The following CEP85L variants were observed in gnomAD, a reference collection of about 807,000 sequenced individuals.
The protein encoded by CEP85L is centrosomal protein of 85 kDa-like.
Under a neutral mutation model 100.3 loss-of-function variants are expected in CEP85L, and 60 were observed. The observed-to-expected ratio is 0.60, with a 90% CI of 0.49 to 0.74. CEP85L has a LOEUF of 0.74. Ranked by LOEUF, CEP85L falls within the 30% of genes least tolerant of loss-of-function variation. The pLI is 0.00. For synonymous variants in CEP85L, 319 were observed against 322.7 expected (o/e 0.99, Z 0.12); for missense variants, 973 against 936.2 (o/e 1.04, Z -0.51).
chr6:118,541,013 T>C (rs554967432), intron 3 of CEP85L, among the ~76,000 whole-genome samples: 20 of 152,292 alleles, frequency 1.3e-4, no homozygotes, highest in African/African-American at 4.8e-4. Context: ...TATCCAAATA[T>C]TGAATTTTGG....
intron 2 of CEP85L, among the ~76,000 whole-genome samples, chr6:118,605,311 C>T (rs1772116879): frequency 6.6e-6 from 1 of 152,220 alleles, no homozygotes; most frequent in East Asian, 1.9e-4. Context: ...ATCAGCCCAT[C>T]CTTCATGGAA....
intron 1 of CEP85L, among the ~76,000 whole-genome samples, chr6:118,672,798 A>G (rs1225223583): frequency 6.6e-6 from 1 of 150,670 alleles, no homozygotes; most frequent in African/African-American, 2.4e-5. Context: ...AAGGAGGAGG[A>G]AGGAGGAGGA....
intron 1 of CEP85L, among the ~76,000 whole-genome samples, chr6:118,637,924 C>A (rs1774612595): frequency 6.6e-6 from 1 of 151,984 alleles, no homozygotes. Context: ...TCCAAGCCCA[C>A]TGGTAAGCAA....
chr6:118,600,370 T>TGTGTGTGTG (rs58066356), intron 2 of CEP85L, among the ~76,000 whole-genome samples: 6 of 86,360 alleles, frequency 6.9e-5, no homozygotes, highest in African/African-American at 1.3e-4. Flanking sequence ...TGTGTGTGTG[T>TGTGTGTGTG]AACGCCATGG....
chr6:118,515,871 G>A (rs1398701952), intron 4 of CEP85L, among the ~76,000 whole-genome samples: 1 of 152,150 alleles, frequency 6.6e-6, no homozygotes, highest in East Asian at 1.9e-4. Context: ...TCTACATTAG[G>A]TATTTCTCCG....
intron 2 of CEP85L, among the ~76,000 whole-genome samples, chr6:118,585,175 G>A (rs186797138): frequency 6.6e-6 from 1 of 152,276 alleles, no homozygotes; most frequent in East Asian, 1.9e-4. Flanking sequence ...TGAGCTAATC[G>A]CTCTTACAGA....
chr6:118,513,547 C>T (rs1776091242), intron 4 of CEP85L, among the ~76,000 whole-genome samples: 1 of 151,980 alleles, frequency 6.6e-6, no homozygotes. Context: ...CAATGAAGTA[C>T]TTTAAGTACT....
intron 1 of CEP85L, among the ~76,000 whole-genome samples, chr6:118,698,742 G>A (rs1046809090): frequency 5.3e-5 from 8 of 152,148 alleles, no homozygotes; most frequent in African/African-American, 1.9e-4. Flanking sequence ...AGAATTAAGT[G>A]GGGATGTGAT....
chr6:118,488,894 A>G (rs1774367042), intron 6 of CEP85L, among the ~76,000 whole-genome samples: 1 of 152,236 alleles, frequency 6.6e-6, no homozygotes, highest in Non-Finnish European at 1.5e-5. Flanking sequence ...AAGTGGGATG[A>G]TAAACTTGCA....
At chr6:118,697,339 C>T (rs1771756) in intron 1 of CEP85L, among the ~76,000 whole-genome samples, 66,750 of 152,036 alleles carry the variant, frequency 0.44, 15,057 homozygotes, top group African/African-American at 0.52. Flanking sequence ...CCCATCCAGA[C>T]ACTTGTCACC....
rs1473551565 is a variant in CEP85L at position 118,502,257 on chromosome 6, T to C, written c.1257+9041A>G. On this transcript the variant is annotated intron_variant, in intron 5 of 12. Transcript: ENST00000368491. ...CGCATTATGACTCCACATTTATGAA[T>C]ATCAGCAAGGATAATTCAGATTTAA... 5.2e-6 allele frequency: 3 copies of C among 579,476 alleles called. No homozygotes were observed. In the African/African-American group the frequency reaches 5.7e-5, roughly 11 times the overall value. 35.9% of individuals were successfully genotyped at this position (579,476 alleles called of 1,614,324 possible).
intron 2 of CEP85L, among the ~76,000 whole-genome samples, chr6:118,618,255 C>T (rs1773199654): frequency 6.6e-6 from 1 of 152,216 alleles, no homozygotes; most frequent in South Asian, 2.1e-4. Context: ...CTTTCCTCAC[C>T]TGGTAAGCAA....
intron 1 of CEP85L, among the ~76,000 whole-genome samples, chr6:118,688,885 T>C (rs865941890): frequency 1.3e-5 from 2 of 152,224 alleles, no homozygotes; most frequent in Non-Finnish European, 2.9e-5. Context: ...CCATTGGGCA[T>C]GTGTGTGGAC....
chr6:118,655,616 G>T (rs766634867), upstream of CEP85L, among the ~76,000 whole-genome samples: 1 of 152,180 alleles, frequency 6.6e-6, no homozygotes, highest in Non-Finnish European at 1.5e-5. Flanking sequence ...AGCAGATCAT[G>T]CCTTCACACA....
intron 3 of CEP85L, among the ~76,000 whole-genome samples, chr6:118,556,044 T>C (rs1778852880): frequency 6.6e-6 from 1 of 152,222 alleles, no homozygotes; most frequent in African/African-American, 2.4e-5. Flanking sequence ...CTTTATCCAG[T>C]CTGTCACTGA....
intron 1 of CEP85L, among the ~76,000 whole-genome samples, chr6:118,641,864 A>T (rs1400681953): frequency 6.6e-6 from 1 of 152,208 alleles, no homozygotes; most frequent in Non-Finnish European, 1.5e-5. Flanking sequence ...TCTGACAGTA[A>T]TATGTCACCT....
chr6:118,707,976 G>T (rs922671490), intron 1 of CEP85L, among the ~76,000 whole-genome samples: 2 of 150,334 alleles, frequency 1.3e-5, no homozygotes, highest in African/African-American at 4.9e-5. Context: ...TTTTTGGGGG[G>T]GGGACGGGGG....
In CEP85L at chr6:118,589,538, C is replaced by A. The variant is rs144415346; in HGVS notation, c.233-23222G>T. 61 of 252,340 alleles carry A rather than the reference C, an allele frequency of 2.4e-4. No individual in the cohort carries two copies. In the East Asian group the frequency reaches 6.4e-3, roughly 26 times the overall value. The allele number at this position is 252,340 out of a possible 1,614,324, so 15.6% of individuals were successfully genotyped here. ...TGAGAAGACTAACAAGACATCTAGA[C>A]CCAAGAAAAGGGGGAACACGTCTGG... is the stretch of plus-strand genomic sequence containing the variant. On this transcript the variant is annotated intron_variant, in intron 2 of 12. Coordinates refer to ENST00000368491, the MANE Select transcript of CEP85L (RefSeq NM_001042475.3).
chr6:118,585,596 G>T (rs894226393), intron 2 of CEP85L, among the ~76,000 whole-genome samples: 1 of 152,166 alleles, frequency 6.6e-6, no homozygotes, highest in African/African-American at 2.4e-5. Context: ...CCTCAGGATG[G>T]CTACAGTCAC....
Sources: allele counts gnomAD v4.1 joint callset (sites outside exome capture counted in the v4.1 genomes callset), GRCh38; gene constraint gnomAD v4.1.1; transcripts MANE v1.5; gene names NCBI Gene and HGNC (gene_info 2026-07-23, HGNC 2026-07-21).